The following SGIP1 variants were observed in gnomAD, a reference collection of about 807,000 sequenced individuals.
SGIP1 encodes the protein SH3-containing GRB2-like protein 3-interacting protein 1.
Under a neutral mutation model 107.5 loss-of-function variants are expected in SGIP1, and 38 were observed. The ratio of observed to expected loss-of-function variants is 0.35; its 90% CI spans 0.27 to 0.46. The LOEUF is 0.46. Among genes scored for constraint, SGIP1 ranks in the 20% least tolerant of loss-of-function variants. The probability of loss-of-function intolerance (pLI) is 1.00; values close to 1 mark genes in which losing one functional copy is unlikely to be tolerated. For synonymous variants in SGIP1, 365 were observed against 366.1 expected (o/e 1.00, Z 0.03); for missense variants, 929 against 1,019.5 (o/e 0.91, Z 1.21).
intron 1 of SGIP1, among the ~76,000 whole-genome samples, chr1:66,617,299 G>A (rs893409816): frequency 6.6e-6 from 1 of 150,674 alleles, no homozygotes; most frequent in African/African-American, 2.4e-5. Context: ...GTCTATCCAC[G>A]GGAAATCATA....
chr1:66,726,522 TA>T (rs2093765091), intron 19 of SGIP1, among the ~76,000 whole-genome samples: 1 of 152,180 alleles, frequency 6.6e-6, no homozygotes, highest in Non-Finnish European at 1.5e-5. Context: ...AATACTGGCT[TA>T]AAAAATAGAC....
At chr1:66,683,855 C>T (rs2087500148) in intron 15 of SGIP1, among the ~76,000 whole-genome samples, 1 of 151,614 alleles carries the variant, frequency 6.6e-6, no homozygotes, top group Non-Finnish European at 1.5e-5. Flanking sequence ...AGGTGTGTGC[C>T]ACCAGACCCA....
intron 1 of SGIP1, among the ~76,000 whole-genome samples, chr1:66,573,919 A>T (rs771354460): frequency 4.7e-4 from 71 of 152,244 alleles, no homozygotes; most frequent in Middle Eastern, 3.4e-3. Flanking sequence ...ATAAAAGCTA[A>T]ATTTAAAAAC....
intron 1 of SGIP1, among the ~76,000 whole-genome samples, chr1:66,562,424 G>A (rs1436240491): frequency 3.2e-4 from 49 of 151,970 alleles, no homozygotes; most frequent in Non-Finnish European, 5.9e-5. Context: ...TGAAACAATA[G>A]CAGGGAAGAA....
intron 16 of SGIP1, among the ~76,000 whole-genome samples, 167 bp from the exon 17 acceptor site, chr1:66,690,023 T>C (rs2089471141): frequency 6.6e-6 from 1 of 152,218 alleles, no homozygotes; most frequent in Non-Finnish European, 1.5e-5. Flanking sequence ...TCCAGCTCCA[T>C]TCCACAAACT....
Position 66,750,141 on chromosome 1 carries a change from A to G in SGIP1, c.*7046A>G, listed in dbSNP as rs2094606627. On this transcript the variant is annotated 3_prime_UTR_variant, in exon 25 of 25. Transcript: ENST00000371037. ...TTTTTCTTGAAAAAGCCAAGTGTTG[A>G]TATGATGATATATTAATCTTATCTA... Among the ~76,000 whole-genome samples the G allele has an allele frequency of 6.6e-6, 1 of 151,898 alleles. No homozygotes were observed. Among genetic ancestry groups the G allele is most frequent in the Non-Finnish European group, 1.5e-5 (1 of 67,964 alleles).
At chr1:66,544,550 A>G (rs972538839) in intron 1 of SGIP1, among the ~76,000 whole-genome samples, 4 of 152,148 alleles carry the variant, frequency 2.6e-5, no homozygotes, top group Admixed American at 6.5e-5. Context: ...TTAGCTGGGC[A>G]TGGTGGTGCG....
intron 22 of SGIP1, among the ~76,000 whole-genome samples, chr1:66,740,197 C>G (rs112185830): frequency 3.3e-5 from 5 of 152,138 alleles, no homozygotes; most frequent in African/African-American, 9.7e-5. Flanking sequence ...GGACTAGAAA[C>G]TGAATAGATA....
intron 1 of SGIP1, among the ~76,000 whole-genome samples, chr1:66,548,782 A>C (rs1429570558): frequency 2.6e-5 from 4 of 152,128 alleles, no homozygotes; most frequent in Non-Finnish European, 4.4e-5. Context: ...GTCCTCTCTG[A>C]ATGTCATCTA....
intron 1 of SGIP1, among the ~76,000 whole-genome samples, chr1:66,539,003 C>T (rs988845719): frequency 1.3e-5 from 2 of 152,182 alleles, no homozygotes; most frequent in East Asian, 3.8e-4. Context: ...ATTTTACCCT[C>T]ATACTTGTGG....
chr1:66,625,409 G>C (rs1313169607), intron 1 of SGIP1, among the ~76,000 whole-genome samples: 1 of 152,246 alleles, frequency 6.6e-6, no homozygotes, highest in Non-Finnish European at 1.5e-5. Flanking sequence ...ACACAAAGAT[G>C]TGTCAGATCT....
chr1:66,543,630 T>C (rs567706494), intron 1 of SGIP1, among the ~76,000 whole-genome samples: 150 of 152,224 alleles, frequency 9.9e-4, no homozygotes, highest in African/African-American at 3.5e-3. Context: ...TTCTACTGAG[T>C]ACACATACAA....
At chr1:66,658,250 C>T (rs1259762088) in intron 7 of SGIP1, among the ~76,000 whole-genome samples, 1 of 152,146 alleles carries the variant, frequency 6.6e-6, no homozygotes, top group African/African-American at 2.4e-5. Context: ...TTTCTTGGCC[C>T]TTAACTATTC....
chr1:66,737,641 C>T (rs948035849), intron 21 of SGIP1, among the ~76,000 whole-genome samples: 2 of 152,202 alleles, frequency 1.3e-5, no homozygotes, highest in Non-Finnish European at 2.9e-5. Flanking sequence ...TCAGTTTCCT[C>T]ATCTACAAAT....
At chr1:66,684,106 G>T in intron 15 of SGIP1, 1 of 1,550,402 alleles carries the variant, frequency 6.4e-7, no homozygotes, top group South Asian at 1.2e-5. Flanking sequence ...CCTTTTTACA[G>T]ATGGGAAAAC....
chr1:66,733,941 T>C (rs1238005619), intron 21 of SGIP1, 61 bp downstream of exon 21: 7 of 1,511,554 alleles, frequency 4.6e-6, no homozygotes, highest in Non-Finnish European at 6.2e-6. Context: ...CTAAAGTACC[T>C]ACTATTGAAT....
rs144021036 is a variant in SGIP1, at chr1:66,537,949, C to G, written c.10+3581C>G. On this transcript the variant is annotated intron_variant, in intron 1 of 24. Coordinates refer to ENST00000371037, the MANE Select transcript of SGIP1 (RefSeq NM_032291.4). ...TTTGCATCAGGTTGGGCATGTTAAC[C>G]TAATTGAAAAATAGGCTGTAGTGCC... is the stretch of plus-strand genomic sequence containing the variant. 3.1e-3 allele frequency among the ~76,000 whole-genome samples: 477 copies of G among 152,174 alleles called. 1 individual carries two copies. Among genetic ancestry groups the G allele is most frequent in the African/African-American group, 0.011 (467 of 41,524 alleles).
chr1:66,640,497 A>T (rs1444986745), intron 5 of SGIP1, among the ~76,000 whole-genome samples: 1 of 152,142 alleles, frequency 6.6e-6, no homozygotes, highest in South Asian at 2.1e-4. Context: ...CAGGCTGAAC[A>T]TTTGGGGGAA....
chr1:66,662,313 T>G (rs948011730), intron 8 of SGIP1, among the ~76,000 whole-genome samples: 5 of 152,224 alleles, frequency 3.3e-5, no homozygotes, highest in African/African-American at 1.2e-4. Flanking sequence ...CCTATTTTCA[T>G]CTTTGTTTCC....
Sources: gnomAD v4.1 joint callset for allele counts (sites outside exome capture counted in the v4.1 genomes callset) on GRCh38, gnomAD v4.1.1 for gene constraint, MANE v1.5 for transcripts, NCBI Gene and HGNC (gene_info 2026-07-23, HGNC 2026-07-21) for gene names.